Variants in ST3GAL6 observed in about 807,000 individuals in gnomAD.
ST3GAL6 encodes type 2 lactosamine alpha-2,3-sialyltransferase.
ST3GAL6 carries 31 observed loss-of-function variants against 40.5 expected under a neutral mutation model. That is an observed-to-expected ratio of 0.77 (90% confidence interval 0.58 to 1.03). ST3GAL6 has a LOEUF of 1.03. Ranked by LOEUF, ST3GAL6 falls within the 50% of genes least tolerant of loss-of-function variation. ST3GAL6 has a pLI of 0.00. For missense variants in ST3GAL6, 357 were observed against 393.2 expected (o/e 0.91, Z 0.78); for synonymous variants, 129 against 136.9 (o/e 0.94, Z 0.40).
upstream of ST3GAL6, among the ~76,000 whole-genome samples, chr3:98,761,501 T>G (rs765919911): frequency 4.0e-5 from 6 of 151,088 alleles, no homozygotes; most frequent in Non-Finnish European, 7.4e-5. Context: ...CCCAGCTACT[T>G]GGGAGGCTGA....
chr3:98,778,605 T>C (rs1939775377), intron 5 of ST3GAL6, among the ~76,000 whole-genome samples: 1 of 152,214 alleles, frequency 6.6e-6, no homozygotes, highest in Non-Finnish European at 1.5e-5. Flanking sequence ...GGTAAAGGTA[T>C]AGAAGTCTCA....
In ST3GAL6 at chr3:98,793,745, A is replaced by G; in HGVS notation, c.980A>G (p.Asn327Ser). 1 of 1,601,432 alleles carries G rather than the reference A, an allele frequency of 6.2e-7. No individual in the cohort carries two copies. The highest frequency in any genetic ancestry group is 8.5e-7 in the Non-Finnish European group (1 of 1,173,828). The change falls in exon 10 of 10, where the codon AAC (asparagine) becomes AGC (serine). Residue 327 changes from asparagine to serine, a missense_variant. By Grantham distance (46) the Asn-to-Ser change is conservative. Coordinates refer to ENST00000483910, the MANE Select transcript of ST3GAL6 (RefSeq NM_001323368.2). ...ATTATAGAAAAAAACCTCGTAATCA[A>G]CTTGACTCAAGATTGACTCTACAGA... ...KDIIEKNLVINLTQD is the reference protein window; with the variant it reads ...KDIIEKNLVISLTQD
intron 3 of ST3GAL6, among the ~76,000 whole-genome samples, chr3:98,771,485 C>G (rs1355782949): frequency 6.6e-6 from 1 of 152,118 alleles, no homozygotes; most frequent in Non-Finnish European, 1.5e-5. Context: ...TTCTTTTCCT[C>G]CATCACTTTG....
intron 1 of ST3GAL6, among the ~76,000 whole-genome samples, chr3:98,766,993 A>C (rs1316615310): frequency 2.0e-5 from 3 of 152,226 alleles, no homozygotes; most frequent in Non-Finnish European, 4.4e-5. Flanking sequence ...GGGATTATGT[A>C]TACCTAATTA....
At position 98,788,053 on chromosome 3, in the gene ST3GAL6, T is replaced by C; in HGVS notation, c.449T>C (p.Val150Ala). Residue 150 changes from valine (V) to alanine (A), a missense_variant, in exon 7 of 10, where the codon GTT becomes GCT. By Grantham distance (64) the Val-to-Ala change is moderately conservative. Transcript: ENST00000483910. ...ATCCACAGAATGAATAATGGTCCTG[T>C]TTTAGGACATGAAGAAGAAGTTGGG... ...DVIIRMNNGPVLGHEEEVGRR... is the reference protein window; with the variant it reads ...DVIIRMNNGPALGHEEEVGRR... 4 of 1,613,424 alleles carry C rather than the reference T, an allele frequency of 2.5e-6. No homozygotes were observed. Among genetic ancestry groups the C allele is most frequent in the Non-Finnish European group, 3.4e-6 (4 of 1,179,748 alleles).
intron 5 of ST3GAL6, chr3:98,782,902 G>T: frequency 5.8e-6 from 1 of 171,710 alleles, no homozygotes; most frequent in Non-Finnish European, 1.1e-5. Context: ...ACAACCCTCA[G>T]GATTCAGAAG....
chr3:98,787,716 C>T (rs1940858342), intron 6 of ST3GAL6, among the ~76,000 whole-genome samples: 1 of 152,226 alleles, frequency 6.6e-6, no homozygotes, highest in Admixed American at 6.5e-5. Flanking sequence ...TCTCTTTCAA[C>T]TCTGGTATCC....
chr3:98,779,484 G>GA (rs1401205850), intron 5 of ST3GAL6, among the ~76,000 whole-genome samples: 8 of 152,116 alleles, frequency 5.3e-5, no homozygotes, highest in Non-Finnish European at 1.0e-4. Flanking sequence ...TGTACATGAT[G>GA]GTATTGAAGG....
chr3:98,767,796 T>C (rs9832986), intron 1 of ST3GAL6, among the ~76,000 whole-genome samples: 63,770 of 151,952 alleles, frequency 0.42, 13,674 homozygotes, highest in South Asian at 0.57. Flanking sequence ...GTGTAATGAA[T>C]AATATTGTCA....
At chr3:98,734,800 G>A (rs894662345) in intron 1 of ST3GAL6, among the ~76,000 whole-genome samples, 2 of 152,172 alleles carry the variant, frequency 1.3e-5, no homozygotes, top group African/African-American at 2.4e-5. Context: ...GTAAATCGTA[G>A]GTGTTCTCAT....
intron 1 of ST3GAL6, among the ~76,000 whole-genome samples, chr3:98,745,818 A>C (rs1936498202): frequency 1.3e-5 from 2 of 152,198 alleles, no homozygotes; most frequent in Admixed American, 6.5e-5. Flanking sequence ...ATTTTATGTA[A>C]TTGAAAAAAT....
chr3:98,783,786 A>G lies in ST3GAL6; in HGVS notation c.336-1159A>G, dbSNP rs1940416352. On this transcript the variant is annotated intron_variant, in intron 5 of 9. Transcript: ENST00000483910. ...TTAGGTAGACACTGATTTAGGCATG[A>G]CTCTTTAATATTTGAGAGCATAGAG... The G allele has an allele frequency of 2.3e-5, 13 of 559,344 alleles. No homozygotes were observed. In the South Asian group the frequency reaches 1.0e-3, roughly 43 times the overall value. 34.6% of individuals were successfully genotyped at this position (559,344 alleles called of 1,614,324 possible). A position where few individuals can be genotyped will look rare whatever the true frequency, so the allele number is the denominator to read the frequency against.
At chr3:98,774,033 G>C (rs1481995524) in intron 5 of ST3GAL6, 50 bp downstream of exon 5, 2 of 1,420,240 alleles carry the variant, frequency 1.4e-6, no homozygotes, top group Non-Finnish European at 2.0e-6. Flanking sequence ...CAGCTAAGCT[G>C]GTTCAAAATA....
chr3:98,752,984 C>T (rs1937137537), intron 1 of ST3GAL6, among the ~76,000 whole-genome samples: 1 of 152,148 alleles, frequency 6.6e-6, no homozygotes, highest in Admixed American at 6.5e-5. Context: ...CCAATAGCCT[C>T]TAAGTATTCA....
intron 1 of ST3GAL6, among the ~76,000 whole-genome samples, chr3:98,751,167 C>G (rs938664988): frequency 1.3e-5 from 2 of 151,972 alleles, no homozygotes; most frequent in Non-Finnish European, 2.9e-5. Context: ...CTCAGCCTCC[C>G]GAGTAGTTGG....
At chr3:98,754,701 A>G (rs1361172237) in intron 1 of ST3GAL6, among the ~76,000 whole-genome samples, 1 of 152,222 alleles carries the variant, frequency 6.6e-6, no homozygotes, top group Non-Finnish European at 1.5e-5. Context: ...ATTTTAAGAC[A>G]TTGTCACAGC....
At chr3:98,772,340 C>T (rs828611) in intron 3 of ST3GAL6, 147,595 of 152,804 alleles carry the variant, frequency 0.97, 71,488 homozygotes, top group East Asian at 1. Context: ...AGAACATCTT[C>T]CCTTATAATT....
chr3:98,781,326 C>T (rs775745709), intron 5 of ST3GAL6, among the ~76,000 whole-genome samples: 7 of 151,944 alleles, frequency 4.6e-5, no homozygotes, highest in African/African-American at 7.3e-5. Context: ...TGGGGCCTGT[C>T]GCAGGGTTGG....
In ST3GAL6 at chr3:98,763,447, A is replaced by G. The variant is rs2107117262; in HGVS notation, c.-12+8A>G. On this transcript the variant is annotated splice_region_variant and intron_variant, in intron 1 of 9. Coordinates refer to ENST00000483910, the MANE Select transcript of ST3GAL6 (RefSeq NM_001323368.2). ...CCTGGTAAAGGTATGGAGGTGAGCC[A>G]TGAACAAGGTTACCTGCTTAAGGGG... The G allele has an allele frequency of 7.8e-7, 1 of 1,289,754 alleles. No homozygotes were observed. 79.9% of individuals were successfully genotyped at this position (1,289,754 alleles called of 1,614,324 possible).
Sources: allele counts gnomAD v4.1 joint callset (sites outside exome capture counted in the v4.1 genomes callset), GRCh38; gene constraint gnomAD v4.1.1; transcripts MANE v1.5; gene names NCBI Gene and HGNC (gene_info 2026-07-23, HGNC 2026-07-21).